ARHGEF28: variants seen among roughly 807,000 people sequenced by gnomAD.
ARHGEF28 encodes the protein Rho guanine nucleotide exchange factor 28, also known as 190 kDa guanine nucleotide exchange factor.
A neutral mutation model predicts 206.6 loss-of-function variants in ARHGEF28; 152 were observed. That is an observed-to-expected ratio of 0.74 (90% CI 0.64 to 0.84). ARHGEF28 has a LOEUF of 0.84. ARHGEF28 is among the 40% of genes least tolerant of loss of function. The pLI is 0.00. For synonymous variants in ARHGEF28, 763 were observed against 776.4 expected, an observed-to-expected ratio of 0.98 and a Z score of 0.29; for missense variants, 2,028 against 2,073.2, an observed-to-expected ratio of 0.98 and a Z score of 0.42.
At chr5:73,940,270 G>C (rs1057417757) in intron 35 of ARHGEF28, among the ~76,000 whole-genome samples, 1 of 152,164 alleles carries the variant, frequency 6.6e-6, no homozygotes, top group Non-Finnish European at 1.5e-5. Context: ...GCTGAAACTG[G>C]CTTGATTTTC....
intron 9 of ARHGEF28, among the ~76,000 whole-genome samples, chr5:73,801,495 A>C (rs1484174839): frequency 6.6e-6 from 1 of 151,746 alleles, no homozygotes; most frequent in African/African-American, 2.4e-5. Flanking sequence ...GAGGATCTTA[A>C]GCATGGCATC....
At chr5:73,820,444 G>GGGTCCTCCTA (rs1405305493) in intron 9 of ARHGEF28, among the ~76,000 whole-genome samples, 4 of 152,072 alleles carry the variant, frequency 2.6e-5, no homozygotes, top group Non-Finnish European at 4.4e-5. Context: ...TGCACCTCCT[G>GGGTCCTCCTA]GGTCCTCCTA....
In ARHGEF28 at chr5:73,939,360, T is replaced by G. The variant is rs368188923; in HGVS notation, c.4949-1484T>G. On this transcript the variant is annotated intron_variant, in intron 35 of 35. Transcript: ENST00000513042. The stretch of plus-strand genomic sequence containing the variant: ...TCAGTTGTTAGTGAGTTCCTGGAAT[T>G]TGAGGTACAGCATTTAGGATCAGGG... Among the ~76,000 whole-genome samples, 8 of 152,320 alleles carry G rather than the reference T, an allele frequency of 5.3e-5. No homozygotes were observed. In the East Asian group the frequency reaches 5.8e-4, roughly 11 times the overall value.
intron 7 of ARHGEF28, among the ~76,000 whole-genome samples, chr5:73,787,168 C>G (rs1205981124): frequency 6.6e-6 from 1 of 152,180 alleles, no homozygotes; most frequent in African/African-American, 2.4e-5. Flanking sequence ...TAAGCCAGGA[C>G]AGCTGGGACC....
At chr5:73,874,437 T>G (rs1760308385) in intron 22 of ARHGEF28, among the ~76,000 whole-genome samples, 1 of 152,038 alleles carries the variant, frequency 6.6e-6, no homozygotes, top group African/African-American at 2.4e-5. Context: ...ATACTTTAAG[T>G]TTTAGGGTAC....
At chr5:73,876,578 A>C (rs1760504747) in intron 22 of ARHGEF28, among the ~76,000 whole-genome samples, 1 of 147,644 alleles carries the variant, frequency 6.8e-6, no homozygotes, top group Admixed American at 6.7e-5. Flanking sequence ...AGCTCTTATT[A>C]TTTTGAGATA....
chr5:73,719,675 A>G (rs1749810179), intron 2 of ARHGEF28, among the ~76,000 whole-genome samples: 1 of 152,250 alleles, frequency 6.6e-6, no homozygotes, highest in Admixed American at 6.5e-5. Context: ...AAAGATGCAC[A>G]TCATGATTTT....
chr5:73,787,846 T>G (rs1754251520), intron 7 of ARHGEF28, among the ~76,000 whole-genome samples: 1 of 152,170 alleles, frequency 6.6e-6, no homozygotes. Flanking sequence ...GACCATGATA[T>G]GGATAGGATA....
At chr5:73,880,946 AGTT>A (rs1760884479) in intron 22 of ARHGEF28, among the ~76,000 whole-genome samples, 1 of 150,828 alleles carries the variant, frequency 6.6e-6, no homozygotes, top group Admixed American at 6.6e-5. Context: ...CAAAAAAAAA[AGTT>A]GTACAGTTTG....
intron 2 of ARHGEF28, among the ~76,000 whole-genome samples, chr5:73,735,267 T>C (rs1750855657): frequency 6.6e-6 from 1 of 151,748 alleles, no homozygotes; most frequent in South Asian, 2.1e-4. Context: ...TTAAAATTTA[T>C]TTATTTATTA....
chr5:73,813,535 G>T (rs1032117333), intron 9 of ARHGEF28: 12 of 1,531,522 alleles, frequency 7.8e-6, no homozygotes, highest in Non-Finnish European at 1.0e-5. Context: ...GGGACGCCCC[G>T]AGTTCTTCCT....
Position 73,901,303 on chromosome 5 carries a change from T to C in ARHGEF28, c.4074+19T>C. 6.2e-7 allele frequency: 1 copy of C among 1,604,096 alleles called. No homozygotes were observed. The highest frequency in any genetic ancestry group is 8.5e-7 in the Non-Finnish European group (1 of 1,172,930). The stretch of plus-strand genomic sequence containing the variant: ...GGAGAAGGTATTGTGAACTGATTTG[T>C]TAGTAAACGGCAGCGGTTACTGTGT... On this transcript the variant is annotated intron_variant, in intron 31 of 35. Transcript: ENST00000513042.
chr5:73,633,570 A>ATTTTTTTTTTT (rs764440038), intron 1 of ARHGEF28, among the ~76,000 whole-genome samples: 1 of 101,060 alleles, frequency 9.9e-6, no homozygotes, highest in East Asian at 2.5e-4. Flanking sequence ...AATACCTTTA[A>ATTTTTTTTTTT]TTTTTTTTTT....
intron 2 of ARHGEF28, among the ~76,000 whole-genome samples, chr5:73,699,410 G>GGAGAGAGGA (rs1266451444): frequency 9.9e-5 from 15 of 151,880 alleles, no homozygotes; most frequent in Non-Finnish European, 1.8e-4. Context: ...CGGGGGGAGG[G>GGAGAGAGGA]GAGAGAGGAG....
At chr5:73,926,356 G>T (rs1421416869) in intron 35 of ARHGEF28, among the ~76,000 whole-genome samples, 1 of 152,182 alleles carries the variant, frequency 6.6e-6, no homozygotes. Flanking sequence ...GTGGCAGCAT[G>T]TGCAGGTAAA....
intron 1 of ARHGEF28, among the ~76,000 whole-genome samples, chr5:73,651,799 G>C (rs1383550391): frequency 6.6e-6 from 1 of 152,090 alleles, no homozygotes. Flanking sequence ...TATAACTCGT[G>C]AAGTATATCT....
intron 1 of ARHGEF28, among the ~76,000 whole-genome samples, chr5:73,674,267 C>G (rs1746520151): frequency 6.6e-6 from 1 of 152,188 alleles, no homozygotes; most frequent in African/African-American, 2.4e-5. Context: ...CTTTTGCTGT[C>G]TTTTAGCCAA....
chr5:73,747,490 T>C (rs898818528), intron 2 of ARHGEF28, among the ~76,000 whole-genome samples: 5 of 152,186 alleles, frequency 3.3e-5, no homozygotes, highest in African/African-American at 1.2e-4. Context: ...ATCCGTCTCC[T>C]TTGAGCTTTA....
At chr5:73,736,257 TGCACCGG>T (rs1266967588) in intron 2 of ARHGEF28, among the ~76,000 whole-genome samples, 1 of 152,176 alleles carries the variant, frequency 6.6e-6, no homozygotes, top group Non-Finnish European at 1.5e-5. Context: ...AGCCAATCAA[TGCACCGG>T]GCTGTCTCTT....
Sources: allele counts gnomAD v4.1 joint callset (sites outside exome capture counted in the v4.1 genomes callset), GRCh38; gene constraint gnomAD v4.1.1; transcripts MANE v1.5; gene names NCBI Gene and HGNC (gene_info 2026-07-23, HGNC 2026-07-21).